The following MBNL2 variants were observed in gnomAD, a reference collection of about 807,000 sequenced individuals.
MBNL2 encodes muscleblind like splicing regulator 2, also known as muscleblind-like protein 2.
Under a neutral mutation model 41.9 loss-of-function variants are expected in MBNL2, and 17 were observed. The ratio of observed to expected loss-of-function variants is 0.41; its 90% confidence interval spans 0.28 to 0.61. MBNL2 has a LOEUF of 0.61. Ranked by LOEUF, MBNL2 falls within the 20% of genes least tolerant of loss-of-function variation. The probability of loss-of-function intolerance (pLI) is 0.35; values close to 1 mark genes in which losing one functional copy is unlikely to be tolerated. For missense variants in MBNL2, 336 were observed against 505.6 expected, an observed-to-expected ratio of 0.66 and a Z score of 3.22; for synonymous variants, 195 against 182.9, an observed-to-expected ratio of 1.07 and a Z score of -0.53.
chr13:97,370,205 G>T (rs2064230208), intron 8 of MBNL2, among the ~76,000 whole-genome samples: 1 of 150,752 alleles, frequency 6.6e-6, no homozygotes, highest in Admixed American at 6.7e-5. Flanking sequence ...AAGTCAGACA[G>T]CTTCTAAATG....
chr13:97,169,357 G>A, the MBNL2 span, among the ~76,000 whole-genome samples: 5 of 152,272 alleles, frequency 3.3e-5, no homozygotes, highest in Admixed American at 2.6e-4. Flanking sequence ...ATGCAATAGT[G>A]TTTCAGACAC....
rs1358774894 is a variant in MBNL2 at position 97,393,401 on chromosome 13, CTT to C, written c.*1955_*1956del. ...TTGTAACATTGTCTTTCTTTTTTTT[CTT>C]TTGTTTCATGATTTTGATTTTTAAA... is the stretch of plus-strand genomic sequence containing the variant. On this transcript the variant is annotated 3_prime_UTR_variant, in exon 9 of 9. Transcript: ENST00000679496. The C allele has an allele frequency of 6.6e-6, 1 of 151,080 alleles. No individual in the cohort carries two copies. Among genetic ancestry groups the C allele is most frequent in the Non-Finnish European group, 1.5e-5 (1 of 67,554 alleles). 9.4% of individuals were successfully genotyped at this position (151,080 alleles called of 1,614,324 possible). A position where few individuals can be genotyped will look rare whatever the true frequency, so the allele number is the denominator to read the frequency against.
intron 2 of MBNL2, among the ~76,000 whole-genome samples, chr13:97,308,366 G>C (rs1871745129): frequency 6.6e-6 from 1 of 152,210 alleles, no homozygotes; most frequent in African/African-American, 2.4e-5. Context: ...GCTGGTGGAA[G>C]AATTTCAAAC....
chr13:97,247,037 C>T (rs751472297), intron 1 of MBNL2, among the ~76,000 whole-genome samples: 10 of 152,112 alleles, frequency 6.6e-5, no homozygotes, highest in Admixed American at 3.3e-4. Context: ...CTGACAGTCT[C>T]GAAACCAATT....
At chr13:97,210,571 ATTTTTTTTTTTTTTTTTTT>A in the MBNL2 span, among the ~76,000 whole-genome samples, 16 of 65,466 alleles carry the variant, frequency 2.4e-4, no homozygotes, top group East Asian at 2.2e-3. Context: ...ACAACTGTGA[ATTTTTTTTTTTTTTTTTTT>A]TTTTTTTTTT....
intron 7 of MBNL2, among the ~76,000 whole-genome samples, chr13:97,361,404 A>T (rs1219287200): frequency 6.6e-6 from 1 of 152,224 alleles, no homozygotes; most frequent in African/African-American, 2.4e-5. Context: ...GTATATGCAG[A>T]GAGTAGAGGA....
the MBNL2 span, among the ~76,000 whole-genome samples, chr13:97,188,504 A>C: frequency 6.6e-6 from 1 of 152,236 alleles, no homozygotes; most frequent in South Asian, 2.1e-4. Context: ...TGAAATATGC[A>C]TGCCTTTTCC....
chr13:97,181,636 A>C, the MBNL2 span, among the ~76,000 whole-genome samples: 1 of 152,194 alleles, frequency 6.6e-6, no homozygotes, highest in Admixed American at 6.5e-5. Flanking sequence ...AAATTGGTTC[A>C]GCTTTTTTCA....
At chr13:97,155,052 T>A in the MBNL2 span, among the ~76,000 whole-genome samples, 15,459 of 152,132 alleles carry the variant, frequency 0.1, 882 homozygotes, top group East Asian at 0.16. Context: ...TATGTTCAAT[T>A]GTGAGATGAG....
intron 8 of MBNL2, among the ~76,000 whole-genome samples, chr13:97,383,012 G>A (rs1390696): frequency 0.3 from 45,971 of 152,010 alleles, 7,142 homozygotes; most frequent in East Asian, 0.46. Context: ...CTTCTAGAAC[G>A]CCAGCGGAAA....
chr13:97,353,762 A>T lies in MBNL2; in HGVS notation c.805-3034A>T, dbSNP rs141233264. 4.5e-4 allele frequency among the ~76,000 whole-genome samples: 69 copies of T among 152,330 alleles called. 1 individual carries two copies. In the East Asian group the frequency reaches 0.011, roughly 23 times the overall value. ...ATCTTCATACAAGCAATCTTTGCTC[A>T]CATACATCAAAATGGAATGACACAA... On this transcript the variant is annotated intron_variant, in intron 5 of 8. Transcript: ENST00000679496.
chr13:97,355,757 C>A (rs1022392620), intron 5 of MBNL2, among the ~76,000 whole-genome samples: 1 of 152,144 alleles, frequency 6.6e-6, no homozygotes, highest in Non-Finnish European at 1.5e-5. Flanking sequence ...TACTTCTAAT[C>A]TTTCAAGCAG....
upstream of MBNL2, chr13:97,221,324 T>G (rs2040839788): frequency 6.6e-6 from 1 of 152,070 alleles, no homozygotes; most frequent in African/African-American, 2.4e-5. Flanking sequence ...TGCCATATGT[T>G]TTTGAGTTTT....
chr13:97,324,492 T>C (rs1044254697), intron 2 of MBNL2, among the ~76,000 whole-genome samples: 8 of 152,132 alleles, frequency 5.3e-5, no homozygotes, highest in African/African-American at 1.9e-4. Flanking sequence ...CAGACATTAA[T>C]GAATGTGGTA....
the MBNL2 span, among the ~76,000 whole-genome samples, chr13:97,164,455 A>G: frequency 6.6e-6 from 1 of 152,240 alleles, no homozygotes; most frequent in African/African-American, 2.4e-5. Flanking sequence ...ATAAGGAATG[A>G]GCAGATGAAT....
intron 7 of MBNL2, among the ~76,000 whole-genome samples, chr13:97,364,140 T>C (rs912111611): frequency 6.6e-6 from 1 of 152,186 alleles, no homozygotes; most frequent in African/African-American, 2.4e-5. Flanking sequence ...GAATATAATA[T>C]TCATGGTCAG....
the MBNL2 span, among the ~76,000 whole-genome samples, chr13:97,183,734 T>C: frequency 2.6e-5 from 4 of 152,244 alleles, no homozygotes; most frequent in African/African-American, 9.6e-5. Context: ...CAATTTTCAA[T>C]CCTTTGCCTA....
intron 2 of MBNL2, among the ~76,000 whole-genome samples, chr13:97,281,754 T>C (rs1394693696): frequency 6.6e-6 from 1 of 152,258 alleles, no homozygotes; most frequent in Non-Finnish European, 1.5e-5. Flanking sequence ...TAGAGCCTAC[T>C]ATATGCCAGG....
chr13:97,204,127 G>C, the MBNL2 span, among the ~76,000 whole-genome samples: 1 of 152,172 alleles, frequency 6.6e-6, no homozygotes, highest in Non-Finnish European at 1.5e-5. Flanking sequence ...CTGAGGATTG[G>C]ATTTACCCGA....
Sources: allele counts gnomAD v4.1 joint callset (sites outside exome capture counted in the v4.1 genomes callset), GRCh38; gene constraint gnomAD v4.1.1; transcripts MANE v1.5; gene names NCBI Gene and HGNC (gene_info 2026-07-23, HGNC 2026-07-21).